Variants in ZBTB4 observed in about 807,000 individuals in gnomAD.
The protein encoded by ZBTB4 is zinc finger and BTB domain containing 4.
In ZBTB4, 14 loss-of-function variants were observed where a neutral mutation model predicts 59.8. The ratio of observed to expected loss-of-function variants is 0.23; its 90% CI spans 0.15 to 0.37. The LOEUF is 0.37. Ranked by LOEUF, ZBTB4 falls within the 10% of genes least tolerant of loss-of-function variation. The pLI is 1.00. For missense variants in ZBTB4, 1,198 were observed against 1,380.8 expected, an observed-to-expected ratio of 0.87 and a Z score of 2.10; for synonymous variants, 587 against 575.2, an observed-to-expected ratio of 1.02 and a Z score of -0.29.
In ZBTB4 at chr17:7,465,770, T is replaced by C. The variant is rs151017355; in HGVS notation, c.1032A>G (p.Lys344=). 5.5e-4 allele frequency: 883 copies of C among 1,614,176 alleles called. 19 individuals are homozygous for C. The East Asian group carries it at 0.019, about 35-fold the overall frequency. ...RRKYPCRYCE[K]VFALAEYRTK... Reference sequence around the variant, plus strand: ...TGCGGTACTCCGCCAGAGCAAACACTTTCTCACAATAGCGGCAGGGGTACT... The same window carrying C: ...TGCGGTACTCCGCCAGAGCAAACACCTTCTCACAATAGCGGCAGGGGTACT... Residue 344 remains lysine (K), a synonymous_variant, in exon 3 of 4, where the codon AAA becomes AAG. Transcript: ENST00000380599.
chr17:7,462,409 G>T lies in ZBTB4; in HGVS notation c.2573C>A (p.Pro858His). The change falls in exon 4 of 4, where the codon CCC (proline) becomes CAC (histidine). Residue 858 changes from proline to histidine, a missense_variant. Transcript: ENST00000380599. This position sits in a 1 kb window ranked among gnomAD's most constrained non-coding sequence, Gnocchi z 7.5. Reference sequence around the variant, plus strand: ...GCTGCCCCCGCTTGCCACTACTGGGGGCTCCTCACCCCCTGAAATGATAGG... The same window carrying T: ...GCTGCCCCCGCTTGCCACTACTGGGTGCTCCTCACCCCCTGAAATGATAGG... ...QDPIISGGEE[P>H]PVVASGGSYV... 1.2e-6 allele frequency: 2 copies of T among 1,613,918 alleles called. No individual in the cohort carries two copies. The highest frequency in any genetic ancestry group is 1.7e-6 in the Non-Finnish European group (2 of 1,179,998).
At chr17:7,481,643 C>T, upstream of ZBTB4, 1 of 724,678 alleles carries the variant, frequency 1.4e-6, no homozygotes, top group Non-Finnish European at 2.2e-6. Context: ...AATGGTGTAC[C>T]CAGATGTCTC....
chr17:7,462,333 G>C lies in ZBTB4; in HGVS notation c.2649C>G (p.Gly883=). 6.2e-7 allele frequency: 1 copy of C among 1,613,800 alleles called. No homozygotes were observed. The highest frequency in any genetic ancestry group is 1.1e-5 in the South Asian group (1 of 91,084). ...QEFPLALIGG[G]REPGGGRGKS... is the part of the protein sequence containing the mutation. The stretch of plus-strand genomic sequence containing the variant: ...TTCCCCTGCCACCGCCAGGTTCCCG[G>C]CCGCCCCCAATCAAGGCCAGTGGAA... Residue 883 remains glycine, a synonymous_variant, in exon 4 of 4, where the codon GGC becomes GGG. Transcript: ENST00000380599. This position sits in a 1 kb window ranked among gnomAD's most constrained non-coding sequence, Gnocchi z 7.5.
chr17:7,478,418 C>T (rs564805027), intron 1 of ZBTB4, among the ~76,000 whole-genome samples: 2 of 152,050 alleles, frequency 1.3e-5, no homozygotes, highest in Admixed American at 6.6e-5. Flanking sequence ...CCCCATGCAA[C>T]GCGCTCATCA....
chr17:7,478,113 A>AC (rs1301303980), intron 1 of ZBTB4, among the ~76,000 whole-genome samples: 10 of 151,932 alleles, frequency 6.6e-5, no homozygotes, highest in Non-Finnish European at 1.5e-5. Flanking sequence ...TCTGAGGCCC[A>AC]CACTGCCCTT....
rs113782048 is a variant in ZBTB4 at position 7,466,367 on chromosome 17, G to A, written c.435C>T (p.Ser145=). 57 of 1,614,050 alleles carry A rather than the reference G, an allele frequency of 3.5e-5. No individual in the cohort carries two copies. The highest frequency in any genetic ancestry group is 3.2e-4 in the African/African-American group (24 of 75,032). The change falls in exon 3 of 4, where the codon AGC becomes AGT. Residue 145 remains serine, a synonymous_variant. Transcript: ENST00000380599. This position sits in a 1 kb window ranked among gnomAD's most constrained non-coding sequence, Gnocchi z 9.1. ...CACCACCAGGCAGTGCGAGCCGGGC[G>A]CTGTAGATGAAGTTGAGGACATCAG... ...AFSDVLNFIY[S]ARLALPGGGG... is the part of the protein sequence containing the mutation.
In ZBTB4 at chr17:7,462,842, C is replaced by T. The variant is rs1177536226; in HGVS notation, c.2140G>A (p.Glu714Lys). 3.7e-6 allele frequency: 6 copies of T among 1,603,552 alleles called. No homozygotes were observed. The highest frequency in any genetic ancestry group is 5.1e-6 in the Non-Finnish European group (6 of 1,179,742). ...RRSWEETPAA[E>K]SPAGRARTER... Reference sequence around the variant, plus strand: ...GTGCGGGCACGTCCCGCTGGGCTCTCGGCCGCTGGGGTTTCCTCCCAGCTC... The same window carrying T: ...GTGCGGGCACGTCCCGCTGGGCTCTTGGCCGCTGGGGTTTCCTCCCAGCTC... Residue 714 changes from glutamate (E) to lysine (K), a missense_variant, in exon 4 of 4, where the codon GAG (glutamate) becomes AAG (lysine). Glu to Lys is a moderately conservative substitution (Grantham distance 56). This residue lies in a region of ZBTB4 where 550 missense variants were observed against 541.8 expected (regional missense o/e 1.02). Transcript: ENST00000380599. This position sits in a 1 kb window ranked among gnomAD's most constrained non-coding sequence, Gnocchi z 7.5.
At position 7,465,784 on chromosome 17, in the gene ZBTB4, G is replaced by A. The variant is rs2070111054; in HGVS notation, c.1018C>T (p.Arg340Cys). 1.2e-6 allele frequency: 2 copies of A among 1,614,182 alleles called. No homozygotes were observed. The highest frequency in any genetic ancestry group is 1.7e-6 in the Non-Finnish European group (2 of 1,180,040). The change falls in exon 3 of 4, where the codon CGC becomes TGC. Residue 340 changes from arginine (R) to cysteine (C), a missense_variant. This residue lies in a region of ZBTB4 where 11 missense variants were observed against 57.5 expected (regional missense o/e 0.19). Transcript: ENST00000380599. ...AGAGCAAACACTTTCTCACAATAGC[G>A]GCAGGGGTACTTCCTCCGCCACGAG... Reference protein sequence around the residue: ...VHSWRRKYPCRYCEKVFALAE... With the variant: ...VHSWRRKYPCCYCEKVFALAE...
chr17:7,464,431 G>GAAAAAAAAAAAAAAAAAAAA (rs55956412), intron 3 of ZBTB4, among the ~76,000 whole-genome samples: 3 of 96,184 alleles, frequency 3.1e-5, no homozygotes, highest in Non-Finnish European at 5.9e-5. Context: ...GTCAAAAAAA[G>GAAAAAAAAAAAAAAAAAAAA]AAAAAAAAAA....
chr17:7,472,011 C>A (rs757496777), intron 1 of ZBTB4, among the ~76,000 whole-genome samples: 5 of 152,078 alleles, frequency 3.3e-5, no homozygotes, highest in Admixed American at 2.0e-4. Context: ...CTACATCTTG[C>A]GGTTCCCTCT....
In ZBTB4 at chr17:7,463,413, T is replaced by C. The variant is rs752232907; in HGVS notation, c.1569A>G (p.Pro523=). 8 of 1,568,552 alleles carry C rather than the reference T, an allele frequency of 5.1e-6. No homozygotes were observed. The highest frequency in any genetic ancestry group is 6.9e-6 in the Non-Finnish European group (8 of 1,158,712). Reference sequence around the variant, plus strand: ...TGGCTGCAGGCTCAGGGGGAGGAGGTGGGTATTCTCGTTTCTTGGGTGGCC... The same window carrying C: ...TGGCTGCAGGCTCAGGGGGAGGAGGCGGGTATTCTCGTTTCTTGGGTGGCC... The part of the protein sequence containing the change: ...PPRPPKKREY[P]PPPPEPAATP... The change falls in exon 4 of 4, where the codon CCA becomes CCG. Residue 523 remains proline (P), a synonymous_variant. Coordinates refer to ENST00000380599, the MANE Select transcript of ZBTB4 (RefSeq NM_001128833.2).
At position 7,463,648 on chromosome 17, in the gene ZBTB4, G is replaced by A. The variant is rs1293601128; in HGVS notation, c.1334C>T (p.Thr445Ile). 1 of 1,612,532 alleles carries A rather than the reference G, an allele frequency of 6.2e-7. No individual in the cohort carries two copies. The highest frequency in any genetic ancestry group is 2.2e-5 in the East Asian group (1 of 44,870). Reference sequence around the variant, plus strand: ...GGCTGGCATTGCCACAGGGGCCGGTGTGTTGAGGGTTGGAGAAAGGGGAGC... The same window carrying A: ...GGCTGGCATTGCCACAGGGGCCGGTATGTTGAGGGTTGGAGAAAGGGGAGC... ...PEAPLSPTLNTPAPVAMPASP... is the reference protein window; with the variant it reads ...PEAPLSPTLNIPAPVAMPASP... The change falls in exon 4 of 4, where the codon ACA becomes ATA. Residue 445 changes from threonine (T) to isoleucine (I), a missense_variant. Coordinates refer to ENST00000380599, the MANE Select transcript of ZBTB4 (RefSeq NM_001128833.2).
chr17:7,467,774 G>T (rs1196895295), intron 1 of ZBTB4, among the ~76,000 whole-genome samples: 1 of 152,192 alleles, frequency 6.6e-6, no homozygotes, highest in Non-Finnish European at 1.5e-5. Context: ...AATAATTTGT[G>T]AGTTTTTAAA....
upstream of ZBTB4, chr17:7,482,211 G>A (rs755128115): frequency 6.8e-6 from 11 of 1,613,964 alleles, no homozygotes; most frequent in Non-Finnish European, 5.9e-6. Flanking sequence ...CTCATCTGTC[G>A]ATGCCTCTTC....
chr17:7,475,226 A>G (rs2070253835), intron 1 of ZBTB4, among the ~76,000 whole-genome samples: 1 of 151,496 alleles, frequency 6.6e-6, no homozygotes, highest in Non-Finnish European at 1.5e-5. Flanking sequence ...CTGTAACCCC[A>G]GCTACCCGGG....
At chr17:7,471,331 A>G (rs2070194850) in intron 1 of ZBTB4, among the ~76,000 whole-genome samples, 1 of 152,128 alleles carries the variant, frequency 6.6e-6, no homozygotes, top group Non-Finnish European at 1.5e-5. Flanking sequence ...CCATAGGCTT[A>G]TGTCACAATG....
In ZBTB4 at chr17:7,479,565, T is replaced by C. The variant is rs866012416; in HGVS notation, c.-190A>G. 751 of 167,906 alleles carry C rather than the reference T, an allele frequency of 4.5e-3. 8 individuals carry two copies. The highest frequency in any genetic ancestry group is 0.017 in the African/African-American group (717 of 41,418). The allele number at this position is 167,906 out of a possible 1,614,324, so 10.4% of individuals were successfully genotyped here. A position where few individuals can be genotyped will look rare whatever the true frequency, so the allele number is the denominator to read the frequency against. On this transcript the variant is annotated 5_prime_UTR_variant, in exon 1 of 4. Coordinates refer to ENST00000380599, the MANE Select transcript of ZBTB4 (RefSeq NM_001128833.2). Reference sequence around the variant, plus strand: ...CCGGCTCCGGCTCCAGCTCCGGCCCTGGCCCCCCCAGCGCCTGGCCCCGGC... The same window carrying C: ...CCGGCTCCGGCTCCAGCTCCGGCCCCGGCCCCCCCAGCGCCTGGCCCCGGC...
intron 1 of ZBTB4, among the ~76,000 whole-genome samples, chr17:7,471,188 A>T (rs8075007): frequency 0.19 from 29,144 of 151,646 alleles, 2,915 homozygotes; most frequent in South Asian, 0.28. Context: ...TTATGAAAAA[A>T]ATTTTTTTTT....
upstream of ZBTB4, chr17:7,483,585 C>T (rs1216011076): frequency 1.9e-5 from 3 of 160,500 alleles, no homozygotes; most frequent in African/African-American, 4.8e-5. Context: ...TCCCCGCCCC[C>T]CATTTTATTC....
Sources: allele counts gnomAD v4.1 joint callset (sites outside exome capture counted in the v4.1 genomes callset), GRCh38; gene constraint gnomAD v4.1.1; regional missense constraint gnomAD v4.1.1; non-coding constraint Gnocchi (gnomAD v3.1); transcripts MANE v1.5; gene names NCBI Gene and HGNC (gene_info 2026-07-23, HGNC 2026-07-21).